Variants in SCHIP1 observed in about 807,000 individuals in gnomAD.
SCHIP1 encodes schwannomin interacting protein 1, also known as schwannomin-interacting protein 1.
A neutral mutation model predicts 29.7 loss-of-function variants in SCHIP1; 8 were observed. The observed-to-expected ratio is 0.27, with a 90% CI of 0.16 to 0.49. The LOEUF (loss-of-function observed/expected upper bound fraction) is 0.49. SCHIP1 is among the 20% of genes least tolerant of loss of function. SCHIP1 has a pLI of 0.99. For synonymous variants in SCHIP1, 76 were observed against 94.9 expected (o/e 0.80, Z 1.16); for missense variants, 193 against 294.6 (o/e 0.66, Z 2.52).
At chr3:159,320,696 AG>A in the SCHIP1 span, among the ~76,000 whole-genome samples, 1 of 151,732 alleles carries the variant, frequency 6.6e-6, no homozygotes, top group East Asian at 1.9e-4. Context: ...TTTTGTTTAT[AG>A]GGTAATTTCT....
chr3:159,849,896 G>A (rs955331970), intron 1 of SCHIP1, among the ~76,000 whole-genome samples: 14 of 152,186 alleles, frequency 9.2e-5, no homozygotes, highest in Non-Finnish European at 1.8e-4. Context: ...CTCTGTTCAC[G>A]TACTTAGTCA....
At chr3:159,280,851 A>C in the SCHIP1 span, among the ~76,000 whole-genome samples, 24,499 of 152,142 alleles carry the variant, frequency 0.16, 2,300 homozygotes, top group Middle Eastern at 0.27. Flanking sequence ...CCTATCTTCC[A>C]GTGTCCCACA....
At chr3:159,515,537 T>C in the SCHIP1 span, among the ~76,000 whole-genome samples, 1 of 152,224 alleles carries the variant, frequency 6.6e-6, no homozygotes, top group Non-Finnish European at 1.5e-5. Context: ...CATAAAATGA[T>C]TATAAAATAA....
chr3:159,569,548 TTTCTGTATCTAG>T, the SCHIP1 span, among the ~76,000 whole-genome samples: 1 of 152,202 alleles, frequency 6.6e-6, no homozygotes, highest in Non-Finnish European at 1.5e-5. Flanking sequence ...TGTGCCACAT[TTTCTGTATCTAG>T]TCTATCACTG....
chr3:159,303,772 C>T, the SCHIP1 span, among the ~76,000 whole-genome samples: 1 of 152,024 alleles, frequency 6.6e-6, no homozygotes, highest in Non-Finnish European at 1.5e-5. Context: ...ATAACATAGC[C>T]ATATTATAAG....
chr3:159,523,882 A>T, the SCHIP1 span, among the ~76,000 whole-genome samples: 3 of 152,212 alleles, frequency 2.0e-5, no homozygotes, highest in East Asian at 5.8e-4. Context: ...GAAAGAAAGA[A>T]TTGCCTCCTC....
chr3:159,399,685 A>G, the SCHIP1 span, among the ~76,000 whole-genome samples: 2 of 152,030 alleles, frequency 1.3e-5, no homozygotes, highest in South Asian at 2.1e-4. Flanking sequence ...ATGAATATAT[A>G]TATATATTAG....
chr3:159,682,358 C>G, the SCHIP1 span, among the ~76,000 whole-genome samples: 2 of 152,070 alleles, frequency 1.3e-5, no homozygotes, highest in African/African-American at 4.8e-5. Flanking sequence ...TAAAATGACT[C>G]GAGAAAAGGG....
the SCHIP1 span, among the ~76,000 whole-genome samples, chr3:159,773,346 C>T: frequency 6.6e-6 from 1 of 152,120 alleles, no homozygotes; most frequent in African/African-American, 2.4e-5. Context: ...TCTGGGAGAT[C>T]ATCTCATCAA....
At chr3:159,628,424 C>A in the SCHIP1 span, among the ~76,000 whole-genome samples, 1 of 151,984 alleles carries the variant, frequency 6.6e-6, no homozygotes, top group African/African-American at 2.4e-5. Flanking sequence ...GAACTAGGAC[C>A]AAGAGAAGAA....
At chr3:159,592,105 A>G in the SCHIP1 span, among the ~76,000 whole-genome samples, 4 of 152,008 alleles carry the variant, frequency 2.6e-5, no homozygotes, top group Admixed American at 2.0e-4. Context: ...AGCAAACACA[A>G]GTTGAAGTAC....
At chr3:159,630,929 A>G in the SCHIP1 span, among the ~76,000 whole-genome samples, 1 of 152,324 alleles carries the variant, frequency 6.6e-6, no homozygotes, top group East Asian at 1.9e-4. Flanking sequence ...GTGGTATTCA[A>G]ACCTCCTGAT....
At chr3:159,553,998 GTGTGTGTGTGTGTGTGTGTGTTTGTGTA>G in the SCHIP1 span, among the ~76,000 whole-genome samples, 47 of 125,556 alleles carry the variant, frequency 3.7e-4, no homozygotes, top group Admixed American at 1.8e-3. Flanking sequence ...GTGTGTGTGT[GTGTGTGTGTGTGTGTGTGTGTTTGTGTA>G]TGTGTGTGTG....
the SCHIP1 span, among the ~76,000 whole-genome samples, chr3:159,474,295 T>C: frequency 6.6e-6 from 1 of 152,138 alleles, no homozygotes; most frequent in Non-Finnish European, 1.5e-5. Flanking sequence ...CACGAACATA[T>C]TAAGCAAACT....
the SCHIP1 span, among the ~76,000 whole-genome samples, chr3:159,742,525 G>A: frequency 6.6e-6 from 1 of 152,092 alleles, no homozygotes; most frequent in Non-Finnish European, 1.5e-5. Flanking sequence ...TTTGCCCACT[G>A]TATACAGAAG....
chr3:159,640,896 C>G, the SCHIP1 span, among the ~76,000 whole-genome samples: 1 of 152,128 alleles, frequency 6.6e-6, no homozygotes, highest in Non-Finnish European at 1.5e-5. Flanking sequence ...GCAGTTCTTG[C>G]CTACATTAGA....
At chr3:159,409,558 C>G in the SCHIP1 span, among the ~76,000 whole-genome samples, 1 of 151,472 alleles carries the variant, frequency 6.6e-6, no homozygotes, top group Non-Finnish European at 1.5e-5. Flanking sequence ...AATAAAATAC[C>G]CAGGAATGAA....
intron 2 of SCHIP1, among the ~76,000 whole-genome samples, chr3:159,880,944 G>C (rs1407552466): frequency 6.6e-6 from 1 of 152,104 alleles, no homozygotes; most frequent in Admixed American, 6.5e-5. Flanking sequence ...TTTTTAAGTA[G>C]TAATAGGCAT....
At chr3:159,781,633 G>A in the SCHIP1 span, among the ~76,000 whole-genome samples, 2 of 152,224 alleles carry the variant, frequency 1.3e-5, no homozygotes, top group Non-Finnish European at 2.9e-5. Flanking sequence ...TATGTGTTAG[G>A]TATGGAGTAC....
Sources: allele counts gnomAD v4.1 joint callset (sites outside exome capture counted in the v4.1 genomes callset), GRCh38; gene constraint gnomAD v4.1.1; transcripts MANE v1.5; gene names NCBI Gene and HGNC (gene_info 2026-07-23, HGNC 2026-07-21).